The following ZNF469 variants were observed in gnomAD, a reference collection of about 807,000 sequenced individuals.
ZNF469 encodes the protein zinc finger protein 469.
In ZNF469, 1 loss-of-function variant was observed where a neutral mutation model predicts 1.0. The observed-to-expected ratio is 1.00, with a 90% confidence interval of 0.35 to 4.73. The LOEUF is 4.73. ZNF469 is among the 30% of genes most tolerant of loss of function. The pLI, the probability that ZNF469 is intolerant of heterozygous loss-of-function variation, is 0.16. For missense variants in ZNF469, 6,100 were observed against 5,356.3 expected, an observed-to-expected ratio of 1.14 and a Z score of -4.33; for synonymous variants, 2,703 against 2,363.4, an observed-to-expected ratio of 1.14 and a Z score of -4.17.
At chr16:88,316,564 T>TTTTTTTTTG in the ZNF469 span, among the ~76,000 whole-genome samples, 1 of 149,278 alleles carries the variant, frequency 6.7e-6, no homozygotes, top group Non-Finnish European at 1.5e-5. Context: ...TTTTTTTTTT[T>TTTTTTTTTG]GAGACAGAGT....
At chr16:88,107,618 G>T in the ZNF469 span, among the ~76,000 whole-genome samples, 1 of 152,336 alleles carries the variant, frequency 6.6e-6, no homozygotes, top group Middle Eastern at 3.4e-3. Context: ...ACGAGGCAAG[G>T]TCTTCCCAGA....
At chr16:88,231,441 T>C in the ZNF469 span, among the ~76,000 whole-genome samples, 1 of 152,208 alleles carries the variant, frequency 6.6e-6, no homozygotes, top group Admixed American at 6.5e-5. This position sits in a 1 kb window ranked among gnomAD's most constrained non-coding sequence, Gnocchi z 4.5. Flanking sequence ...GCCACGGGGC[T>C]GCGACGAGAT....
At chr16:88,229,584 T>C in the ZNF469 span, among the ~76,000 whole-genome samples, 99,233 of 130,880 alleles carry the variant, frequency 0.76, 35,512 homozygotes, top group Non-Finnish European at 0.83. Context: ...TGCGCTGATG[T>C]CACGCGTGTG....
chr16:88,408,163 G>T (rs1905065110), intron 1 of ZNF469, among the ~76,000 whole-genome samples: 1 of 152,124 alleles, frequency 6.6e-6, no homozygotes, highest in East Asian at 1.9e-4. Flanking sequence ...TTTTGTGTGT[G>T]TTTTTTTGCA....
the ZNF469 span, among the ~76,000 whole-genome samples, chr16:88,107,921 C>T: frequency 6.6e-6 from 1 of 152,234 alleles, no homozygotes; most frequent in Non-Finnish European, 1.5e-5. Context: ...AGCCCAGGCG[C>T]CTGGTAATGG....
the ZNF469 span, among the ~76,000 whole-genome samples, chr16:88,331,556 GTCA>G: frequency 7.2e-5 from 7 of 97,134 alleles, no homozygotes; most frequent in African/African-American, 2.9e-4. Context: ...CACCACCATC[GTCA>G]TCACCATCAC....
At chr16:88,425,016 G>A (rs1052968367) in intron 2 of ZNF469, among the ~76,000 whole-genome samples, 145 bp downstream of exon 2, 9 of 151,730 alleles carry the variant, frequency 5.9e-5, no homozygotes, top group African/African-American at 1.7e-4. Flanking sequence ...CCCGAGAGCC[G>A]ACTCCTGGGG....
chr16:88,241,549 C>T, the ZNF469 span, among the ~76,000 whole-genome samples: 1 of 152,142 alleles, frequency 6.6e-6, no homozygotes, highest in Non-Finnish European at 1.5e-5. This position sits in a 1 kb window ranked among gnomAD's most constrained non-coding sequence, Gnocchi z 4.8. Flanking sequence ...CTGAACCAGA[C>T]ACAGTGGTTG....
chr16:88,378,630 G>A (rs1219951304), upstream of ZNF469, among the ~76,000 whole-genome samples: 2 of 152,154 alleles, frequency 1.3e-5, no homozygotes, highest in African/African-American at 2.4e-5. Context: ...CCCAATGCTC[G>A]GGGCCCCCAA....
the ZNF469 span, among the ~76,000 whole-genome samples, chr16:88,137,301 G>A: frequency 3.3e-5 from 5 of 152,210 alleles, no homozygotes; most frequent in African/African-American, 4.8e-5. Context: ...ACAGCTGTGC[G>A]TACATACCAC....
the ZNF469 span, among the ~76,000 whole-genome samples, chr16:88,249,703 T>C: frequency 6.6e-6 from 1 of 152,202 alleles, no homozygotes; most frequent in South Asian, 2.1e-4. Flanking sequence ...CCCAAAGCGC[T>C]GGGATTACAG....
chr16:88,202,406 C>T, the ZNF469 span, among the ~76,000 whole-genome samples: 1 of 152,148 alleles, frequency 6.6e-6, no homozygotes, highest in Non-Finnish European at 1.5e-5. Context: ...GTCCTAAAGT[C>T]CTCTCCTTGC....
At chr16:88,193,012 ATGGTGGTGGTGGTGATGGTGG>A in the ZNF469 span, among the ~76,000 whole-genome samples, 1 of 10,288 alleles carries the variant, frequency 9.7e-5, no homozygotes, top group South Asian at 4.3e-3. Context: ...GATGGTGGTG[ATGGTGGTGGTGGTGATGGTGG>A]TGATGGTGGT....
In ZNF469 at chr16:88,433,894, G is replaced by A; in HGVS notation, c.6424G>A (p.Ala2142Thr). 7 of 1,548,930 alleles carry A rather than the reference G, an allele frequency of 4.5e-6. No individual in the cohort carries two copies. The highest frequency in any genetic ancestry group is 6.1e-6 in the Non-Finnish European group (7 of 1,145,998). The change falls in exon 3 of 3, where the codon GCC (alanine) becomes ACC (threonine). Residue 2142 changes from alanine (A) to threonine (T), a missense_variant. Transcript: ENST00000565624. ...AGACCCACTTACCTCGCCTTCCAGGGCCCAAGGTGGGCTGGGGGGGCAGCT... is the reference window on the plus strand; with the variant it reads ...AGACCCACTTACCTCGCCTTCCAGGACCCAAGGTGGGCTGGGGGGGCAGCT... ...REDPLTSPSR[A>T]QGGLGGQLPA...
intron 1 of ZNF469, among the ~76,000 whole-genome samples, chr16:88,406,893 G>A (rs184317688): frequency 1.1e-3 from 170 of 152,224 alleles, no homozygotes; most frequent in African/African-American, 3.8e-3. Context: ...TCCCCCTAGC[G>A]GCTGTTCAGC....
chr16:88,317,975 T>C, the ZNF469 span, among the ~76,000 whole-genome samples: 1,791 of 152,344 alleles, frequency 0.012, 32 homozygotes, highest in African/African-American at 0.041. Flanking sequence ...ACTCAGAGCA[T>C]GGCCTTTCCT....
chr16:88,425,083 G>C (rs556791657), intron 2 of ZNF469, among the ~76,000 whole-genome samples: 16 of 152,150 alleles, frequency 1.1e-4, no homozygotes, highest in Non-Finnish European at 2.2e-4. Context: ...CGTGTCACCT[G>C]ATGTTCCTCA....
the ZNF469 span, among the ~76,000 whole-genome samples, chr16:88,304,522 C>T: frequency 4.2e-4 from 64 of 152,234 alleles, no homozygotes; most frequent in African/African-American, 8.2e-4. Context: ...CCCAGTCGCC[C>T]GGTGAGCAAG....
chr16:88,333,863 A>AGTGTGTGTGTGTGTGT, the ZNF469 span, among the ~76,000 whole-genome samples: 1 of 140,912 alleles, frequency 7.1e-6, no homozygotes, highest in Non-Finnish European at 1.6e-5. Context: ...GGGCAGTTGC[A>AGTGTGTGTGTGTGTGT]GTGTGTGTGT....
Sources: allele counts gnomAD v4.1 joint callset (sites outside exome capture counted in the v4.1 genomes callset), GRCh38; gene constraint gnomAD v4.1.1; non-coding constraint Gnocchi (gnomAD v3.1); transcripts MANE v1.5; gene names NCBI Gene and HGNC (gene_info 2026-07-23, HGNC 2026-07-21).